HECW1: variants seen among roughly 807,000 people sequenced by gnomAD.
The protein encoded by HECW1 is HECT, C2 and WW domain containing E3 ubiquitin protein ligase 1, also known as E3 ubiquitin-protein ligase HECW1.
Under a neutral mutation model 182.3 loss-of-function variants are expected in HECW1, and 61 were observed. That is an observed-to-expected ratio of 0.33 (90% CI 0.27 to 0.41). HECW1 has a LOEUF of 0.41. Among genes scored for constraint, HECW1 ranks in the 10% least tolerant of loss-of-function variants. The pLI, the probability that HECW1 is intolerant of heterozygous loss-of-function variation, is 1.00. For synonymous variants in HECW1, 859 were observed against 832.6 expected, an observed-to-expected ratio of 1.03 and a Z score of -0.55; for missense variants, 1,739 against 2,108.9, an observed-to-expected ratio of 0.82 and a Z score of 3.44.
intron 2 of HECW1, among the ~76,000 whole-genome samples, chr7:43,172,545 G>A (rs543321837): frequency 1.8e-4 from 28 of 151,838 alleles, no homozygotes; most frequent in African/African-American, 6.5e-4. Context: ...ATTACTATAT[G>A]CATTAAATGT....
chr7:43,324,168 G>A (rs1041976449), intron 5 of HECW1, among the ~76,000 whole-genome samples: 14 of 152,232 alleles, frequency 9.2e-5, no homozygotes, highest in Non-Finnish European at 1.8e-4. Flanking sequence ...TGTTGGACTA[G>A]CAATGTCCCA....
chr7:43,385,412 T>C (rs564719225), intron 6 of HECW1, among the ~76,000 whole-genome samples: 2 of 151,070 alleles, frequency 1.3e-5, no homozygotes, highest in South Asian at 4.2e-4. Context: ...TCTAATTTTG[T>C]GATTCACATC....
chr7:43,274,417 C>T (rs768455477), intron 3 of HECW1: 83 of 631,412 alleles, frequency 1.3e-4, no homozygotes, highest in Non-Finnish European at 2.0e-4. Context: ...CTATGACTCC[C>T]GGAGCTGCAC....
chr7:43,486,291 A>AT lies in HECW1; in HGVS notation c.3235-5771dup, dbSNP rs543408646. ...ATTGATGGGCATTTGGGTTGGTTCG[A>AT]TTTTTTTTTTTTTGAGATGGAGTCT... On this transcript the variant is annotated intron_variant, in intron 17 of 29. Transcript: ENST00000395891. 4.5e-3 allele frequency among the ~76,000 whole-genome samples: 641 copies of AT among 144,030 alleles called. 1 individual carries two copies. The highest frequency in any genetic ancestry group is 0.011 in the African/African-American group (452 of 39,436). 94.5% of individuals were successfully genotyped at this position (144,030 alleles called of 152,430 possible).
At chr7:43,180,549 C>T (rs916457963) in intron 2 of HECW1, among the ~76,000 whole-genome samples, 2 of 152,112 alleles carry the variant, frequency 1.3e-5, no homozygotes, top group Non-Finnish European at 2.9e-5. Flanking sequence ...GTGCCCGCCA[C>T]CACGCCTGGC....
intron 6 of HECW1, among the ~76,000 whole-genome samples, chr7:43,380,207 C>A (rs540200190): frequency 2.0e-5 from 3 of 152,144 alleles, no homozygotes; most frequent in Admixed American, 2.0e-4. Context: ...CACATGCCAC[C>A]ACACCTGGCT....
At chr7:43,214,054 G>T (rs1314084065) in intron 2 of HECW1, among the ~76,000 whole-genome samples, 2 of 151,800 alleles carry the variant, frequency 1.3e-5, no homozygotes, top group Admixed American at 6.6e-5. Context: ...GGTGGTGATT[G>T]TAATCTTCTA....
At chr7:43,153,411 G>A (rs1447702487) in intron 2 of HECW1, among the ~76,000 whole-genome samples, 1 of 152,156 alleles carries the variant, frequency 6.6e-6, no homozygotes, top group Non-Finnish European at 1.5e-5. Context: ...CTACAAAAAG[G>A]AAGTCTCATA....
At chr7:43,493,516 A>C (rs1418119423) in intron 19 of HECW1, among the ~76,000 whole-genome samples, 2 of 152,174 alleles carry the variant, frequency 1.3e-5, no homozygotes, top group African/African-American at 2.4e-5. Flanking sequence ...TAGTTTTGAA[A>C]TATAATTGTT....
At chr7:43,492,671 A>G (rs2078976022) in intron 18 of HECW1, among the ~76,000 whole-genome samples, 1 of 152,170 alleles carries the variant, frequency 6.6e-6, no homozygotes, top group Non-Finnish European at 1.5e-5. Flanking sequence ...CATTATCACT[A>G]CTGGGAAATC....
intron 24 of HECW1, among the ~76,000 whole-genome samples, chr7:43,526,899 G>A (rs2080779032): frequency 6.6e-6 from 1 of 152,292 alleles, no homozygotes; most frequent in Middle Eastern, 3.4e-3. Context: ...GGGAGACTAA[G>A]GCGAGAGGAT....
intron 16 of HECW1, among the ~76,000 whole-genome samples, chr7:43,472,645 A>C (rs2078067873): frequency 6.6e-6 from 1 of 151,980 alleles, no homozygotes; most frequent in African/African-American, 2.4e-5. Flanking sequence ...GATTTAAAAC[A>C]AATTATTAAG....
intron 3 of HECW1, among the ~76,000 whole-genome samples, chr7:43,286,472 G>A (rs1323961436): frequency 2.0e-5 from 3 of 152,086 alleles, no homozygotes; most frequent in African/African-American, 7.2e-5. Context: ...CCATTGCTCA[G>A]TTTTTACCCT....
chr7:43,563,174 A>G lies in HECW1; in HGVS notation c.*1248A>G. The G allele has an allele frequency of 4.9e-6, 1 of 203,436 alleles. No individual in the cohort carries two copies. The highest frequency in any genetic ancestry group is 1.0e-5 in the Non-Finnish European group (1 of 98,778). 12.6% of individuals were successfully genotyped at this position (203,436 alleles called of 1,614,324 possible). Reference sequence around the variant, plus strand: ...AGTAATCCTCCTGGGGCAGAAACATAACACCCCAAAGGCACGTTGATTTGT... The same window carrying G: ...AGTAATCCTCCTGGGGCAGAAACATGACACCCCAAAGGCACGTTGATTTGT... On this transcript the variant is annotated 3_prime_UTR_variant, in exon 30 of 30. Transcript: ENST00000395891.
At chr7:43,435,284 T>C (rs1176474887) in intron 8 of HECW1, among the ~76,000 whole-genome samples, 2 of 152,146 alleles carry the variant, frequency 1.3e-5, no homozygotes, top group African/African-American at 4.8e-5. Flanking sequence ...ACCAAAGATA[T>C]AGAAGTTTTA....
At chr7:43,267,033 A>G (rs1801879097) in intron 3 of HECW1, among the ~76,000 whole-genome samples, 1 of 152,228 alleles carries the variant, frequency 6.6e-6, no homozygotes, top group African/African-American at 2.4e-5. Context: ...AAAAACTGCT[A>G]GAAGTTAGCA....
At chr7:43,248,157 A>C (rs1799630075) in intron 3 of HECW1, among the ~76,000 whole-genome samples, 1 of 152,054 alleles carries the variant, frequency 6.6e-6, no homozygotes, top group Non-Finnish European at 1.5e-5. Flanking sequence ...AAGAAGAAAG[A>C]GAGAGGAGCC....
chr7:43,559,506 G>T (rs757290565), intron 29 of HECW1, among the ~76,000 whole-genome samples: 2 of 152,192 alleles, frequency 1.3e-5, no homozygotes, highest in Non-Finnish European at 2.9e-5. Context: ...GCATTTATGT[G>T]TGTTCTGGCG....
intron 2 of HECW1, among the ~76,000 whole-genome samples, chr7:43,188,321 C>A (rs966058617): frequency 6.6e-6 from 1 of 152,164 alleles, no homozygotes; most frequent in African/African-American, 2.4e-5. Flanking sequence ...CTGAAGACTC[C>A]TGTAGGAGCT....
Sources: gnomAD v4.1 joint callset for allele counts (sites outside exome capture counted in the v4.1 genomes callset) on GRCh38, gnomAD v4.1.1 for gene constraint, MANE v1.5 for transcripts, NCBI Gene and HGNC (gene_info 2026-07-23, HGNC 2026-07-21) for gene names.